The following TMEM170A variants were observed in gnomAD, a reference collection of about 807,000 sequenced individuals.
TMEM170A encodes the protein transmembrane protein 170A.
A neutral mutation model predicts 12.8 loss-of-function variants in TMEM170A; 18 were observed. The observed-to-expected ratio is 1.41, with a 90% CI of 0.97 to 2.09. TMEM170A has a LOEUF of 2.09. Ranked by LOEUF, TMEM170A falls within the 30% of genes most tolerant of loss-of-function variation. TMEM170A has a pLI of 0.00. For synonymous variants in TMEM170A, 107 were observed against 76.2 expected (o/e 1.40, Z -2.11); for missense variants, 220 against 179.9 (o/e 1.22, Z -1.28).
In TMEM170A at chr16:75,464,502, C is replaced by A. The variant is rs768059440; in HGVS notation, c.99G>T (p.Leu33=). ...AGCAGAGGGAAGTAGAGTTGGGGCA[C>A]AGGGTCCCGTTGCCCACCCGCGGCA... ...KVVPRVGNGT[L]CPNSTSLCSF... Residue 33 remains leucine (L), a synonymous_variant, in exon 1 of 3, where the codon CTG becomes CTT. Coordinates refer to ENST00000561878, the MANE Select transcript of TMEM170A (RefSeq NM_145254.3). 1 of 1,580,364 alleles carries A rather than the reference C, an allele frequency of 6.3e-7. No individual in the cohort carries two copies.
intron 1 of TMEM170A, among the ~76,000 whole-genome samples, 164 bp from the exon 2 acceptor site, chr16:75,452,003 G>A (rs1458412743): frequency 2.6e-5 from 4 of 151,610 alleles, no homozygotes; most frequent in East Asian, 3.9e-4. Flanking sequence ...ACGGAGTCTC[G>A]CTCTGTCACC....
intron 1 of TMEM170A, among the ~76,000 whole-genome samples, chr16:75,462,178 G>C (rs568225483): frequency 2.0e-5 from 3 of 152,174 alleles, no homozygotes; most frequent in African/African-American, 7.2e-5. Context: ...TTCACCAAAT[G>C]ATCAAACTTA....
At position 75,443,224 on chromosome 16, in the gene TMEM170A, AAT is replaced by A. The variant is rs1252410719; in HGVS notation, c.*4332_*4333del. 1 of 152,350 alleles carries A rather than the reference AAT, an allele frequency of 6.6e-6. No individual in the cohort carries two copies. Among genetic ancestry groups the A allele is most frequent in the African/African-American group, 2.4e-5 (1 of 41,578 alleles). The allele number at this position is 152,350 out of a possible 1,614,324, so 9.4% of individuals were successfully genotyped here. A position where few individuals can be genotyped will look rare whatever the true frequency, so the allele number is the denominator to read the frequency against. ...TTAAACTCATTAGCCACCAAAAAGA[AAT>A]ATAATTCCAACTCAGAATTGAAAGT... On this transcript the variant is annotated 3_prime_UTR_variant, in exon 3 of 3. Coordinates refer to ENST00000561878, the MANE Select transcript of TMEM170A (RefSeq NM_145254.3).
intron 1 of TMEM170A, among the ~76,000 whole-genome samples, chr16:75,457,016 G>C (rs1030777125): frequency 1.3e-5 from 2 of 152,232 alleles, no homozygotes; most frequent in African/African-American, 4.8e-5. Flanking sequence ...GATGGCATCA[G>C]GAATTCACTG....
rs888916399 is a variant in TMEM170A, at chr16:75,445,000, C to A, written c.*2558G>T. ...TCTATATGTTTAGTGTATGAAATTA[C>A]ATCCAAAGAATGCTTTAGGCAAGAA... On this transcript the variant is annotated 3_prime_UTR_variant, in exon 3 of 3. Coordinates refer to ENST00000561878, the MANE Select transcript of TMEM170A (RefSeq NM_145254.3). The A allele has an allele frequency of 3.9e-5, 6 of 152,168 alleles. No individual in the cohort carries two copies. Among genetic ancestry groups the A allele is most frequent in the Admixed American group, 6.5e-5 (1 of 15,276 alleles). The allele number at this position is 152,168 out of a possible 1,614,324, so 9.4% of individuals were successfully genotyped here.
At chr16:75,461,103 G>C (rs2079897837) in intron 1 of TMEM170A, among the ~76,000 whole-genome samples, 3 of 152,090 alleles carry the variant, frequency 2.0e-5, no homozygotes, top group Admixed American at 6.5e-5. Context: ...GCCCAGGCTG[G>C]AGTGCAGTGG....
chr16:75,449,409 C>A (rs1005252956), intron 2 of TMEM170A, among the ~76,000 whole-genome samples: 1 of 151,676 alleles, frequency 6.6e-6, no homozygotes, highest in Non-Finnish European at 1.5e-5. Context: ...CTCCCTGCAG[C>A]CTCAACCTCC....
Position 75,447,456 on chromosome 16 carries a change from T to C in TMEM170A, c.*102A>G. 2 of 1,292,372 alleles carry C rather than the reference T, an allele frequency of 1.5e-6. No homozygotes were observed. Among genetic ancestry groups the C allele is most frequent in the East Asian group, 2.6e-5 (1 of 38,086 alleles). 80.1% of individuals were successfully genotyped at this position (1,292,372 alleles called of 1,614,324 possible). A position where few individuals can be genotyped will look rare whatever the true frequency, so the allele number is the denominator to read the frequency against. On this transcript the variant is annotated 3_prime_UTR_variant, in exon 3 of 3. Transcript: ENST00000561878. Reference sequence around the variant, plus strand: ...TCCTTCATGTTCCTGTTCATCCAAGTTGCTTCCCTTTGAAGAACTAAGAAA... The same window carrying C: ...TCCTTCATGTTCCTGTTCATCCAAGCTGCTTCCCTTTGAAGAACTAAGAAA...
chr16:75,453,340 G>A (rs1469954468), intron 1 of TMEM170A, among the ~76,000 whole-genome samples: 1 of 152,114 alleles, frequency 6.6e-6, no homozygotes, highest in Non-Finnish European at 1.5e-5. Flanking sequence ...AGGCTGAGGT[G>A]GGAGGATTGC....
chr16:75,447,727 A>T, intron 2 of TMEM170A, 39 bp from the exon 3 acceptor site: 2 of 1,557,880 alleles, frequency 1.3e-6, no homozygotes, highest in Non-Finnish European at 1.7e-6. Context: ...AAAACAAAAA[A>T]CGAAGGTTAA....
intron 1 of TMEM170A, among the ~76,000 whole-genome samples, chr16:75,455,004 T>G (rs944904702): frequency 4.6e-5 from 7 of 152,226 alleles, no homozygotes; most frequent in Non-Finnish European, 8.8e-5. Flanking sequence ...TGGCTATCAC[T>G]GCAGAATTTG....
Position 75,451,785 on chromosome 16 carries a change from A to T in TMEM170A, c.188T>A (p.Val63Asp). 6.2e-7 allele frequency: 1 copy of T among 1,614,078 alleles called. No homozygotes were observed. Among genetic ancestry groups the T allele is most frequent in the East Asian group, 2.2e-5 (1 of 44,868 alleles). ...GAAGAGGGCCAGTAATCCAGCAGGG[A>T]CATGAAAGAAGAGAGAAGACACCAG... ...WALVSSLFFH[V>D]PAGLLALFTL... The change falls in exon 2 of 3, where the codon GTC becomes GAC. Residue 63 changes from valine to aspartate, a missense_variant. Physicochemically the swap from Val to Asp is radical, Grantham distance 152 (BLOSUM62 -3). Transcript: ENST00000561878.
chr16:75,460,841 G>C (rs891115802), intron 1 of TMEM170A, among the ~76,000 whole-genome samples: 3 of 152,266 alleles, frequency 2.0e-5, no homozygotes, highest in East Asian at 1.9e-4. Context: ...GACCAGTCTT[G>C]ATTCCTGCAA....
chr16:75,450,678 C>T lies in TMEM170A; in HGVS notation c.304+991G>A, dbSNP rs1056536397. ...AAGCAAGAATTCTTTTTTTTTCCCC[C>T]GGGTCTTGCTCTGTGGCCCAGGCTG... is the stretch of plus-strand genomic sequence containing the variant. On this transcript the variant is annotated intron_variant, in intron 2 of 2. Coordinates refer to ENST00000561878, the MANE Select transcript of TMEM170A (RefSeq NM_145254.3). 7.2e-5 allele frequency among the ~76,000 whole-genome samples: 11 copies of T among 151,892 alleles called. 1 individual carries two copies. The highest frequency in any genetic ancestry group is 5.9e-4 in the Admixed American group (9 of 15,272).
intron 1 of TMEM170A, among the ~76,000 whole-genome samples, chr16:75,462,770 AAT>A (rs2079929865): frequency 6.6e-6 from 1 of 152,168 alleles, no homozygotes; most frequent in Non-Finnish European, 1.5e-5. Context: ...TAGATCATGG[AAT>A]ATATATATTT....
chr16:75,454,128 G>C (rs1289114868), intron 1 of TMEM170A, among the ~76,000 whole-genome samples: 2 of 151,630 alleles, frequency 1.3e-5, no homozygotes, highest in Non-Finnish European at 3.0e-5. Flanking sequence ...CCGCCCTATT[G>C]ACATTTGGAC....
intron 1 of TMEM170A, among the ~76,000 whole-genome samples, chr16:75,457,554 C>T (rs371214542): frequency 3.8e-4 from 58 of 152,264 alleles, no homozygotes; most frequent in African/African-American, 1.4e-3. Flanking sequence ...TTCCAGCCTC[C>T]AGAACTGAGG....
chr16:75,448,782 C>G (rs889053613), intron 2 of TMEM170A, among the ~76,000 whole-genome samples: 2 of 151,174 alleles, frequency 1.3e-5, no homozygotes, highest in Non-Finnish European at 2.9e-5. Flanking sequence ...AAAGAACCGG[C>G]CAAGTACAGT....
rs1352321674 is a variant in TMEM170A at position 75,464,203 on chromosome 16, G to T, written c.133+265C>A. 2.7e-6 allele frequency: 4 copies of T among 1,505,160 alleles called. No homozygotes were observed. The Admixed American group carries it at 8.2e-5, about 31-fold the overall frequency. The allele number at this position is 1,505,160 out of a possible 1,614,324, so 93.2% of individuals were successfully genotyped here. On this transcript the variant is annotated intron_variant, in intron 1 of 2. Transcript: ENST00000561878. The stretch of plus-strand genomic sequence containing the variant: ...CAAGGCCAAGACCCGCTCGGGTGGC[G>T]GCCGAGCGCCCTCCAGCCCCGGGCC...
Sources: allele counts gnomAD v4.1 joint callset (sites outside exome capture counted in the v4.1 genomes callset), GRCh38; gene constraint gnomAD v4.1.1; transcripts MANE v1.5; gene names NCBI Gene and HGNC (gene_info 2026-07-23, HGNC 2026-07-21).